PRR16: variants seen among roughly 807,000 people sequenced by gnomAD.
The protein encoded by PRR16 is protein Largen.
Under a neutral mutation model 18.2 loss-of-function variants are expected in PRR16, and 6 were observed. That is an observed-to-expected ratio of 0.33 (90% CI 0.18 to 0.65). PRR16 has a LOEUF of 0.65. Ranked by LOEUF, PRR16 falls within the 30% of genes least tolerant of loss-of-function variation. PRR16 has a pLI of 0.74. For missense variants in PRR16, 412 were observed against 376.6 expected (o/e 1.09, Z -0.78); for synonymous variants, 151 against 147.8 (o/e 1.02, Z -0.16).
At chr5:120,488,333 A>C (rs1258780187) in intron 1 of PRR16, among the ~76,000 whole-genome samples, 2 of 152,108 alleles carry the variant, frequency 1.3e-5, no homozygotes, top group African/African-American at 4.8e-5. Context: ...AGAGCTTGCT[A>C]TTGGTCTCTT....
chr5:120,622,869 T>C (rs1292038786), intron 1 of PRR16, among the ~76,000 whole-genome samples: 3 of 152,192 alleles, frequency 2.0e-5, no homozygotes, highest in Non-Finnish European at 4.4e-5. Context: ...AAAGACTATG[T>C]GTCAAAAAGG....
At chr5:120,642,975 G>T (rs1258316200) in intron 1 of PRR16, among the ~76,000 whole-genome samples, 2 of 152,044 alleles carry the variant, frequency 1.3e-5, no homozygotes, top group Non-Finnish European at 2.9e-5. Flanking sequence ...TCTGCCCATA[G>T]TTAGTCATTA....
intron 1 of PRR16, among the ~76,000 whole-genome samples, chr5:120,479,120 C>G (rs1003711171): frequency 1.3e-5 from 2 of 152,012 alleles, no homozygotes; most frequent in African/African-American, 4.8e-5. Flanking sequence ...TATTCAGATA[C>G]TAAAGTACTA....
At chr5:120,792,283 T>A in the PRR16 span, among the ~76,000 whole-genome samples, 2 of 152,196 alleles carry the variant, frequency 1.3e-5, no homozygotes, top group African/African-American at 4.8e-5. Context: ...ATAACTCCAG[T>A]AGTAGTTTAT....
intron 1 of PRR16, among the ~76,000 whole-genome samples, chr5:120,669,586 A>T (rs943501030): frequency 2.0e-5 from 3 of 152,060 alleles, no homozygotes; most frequent in Admixed American, 1.3e-4. Flanking sequence ...CATATATCTA[A>T]TCCTCCACAT....
chr5:120,531,910 T>C (rs557558317), intron 1 of PRR16, among the ~76,000 whole-genome samples: 1 of 152,178 alleles, frequency 6.6e-6, no homozygotes, highest in Non-Finnish European at 1.5e-5. Flanking sequence ...ACAAGTGTTG[T>C]TAATTAGCAT....
At chr5:120,677,246 G>A (rs1756828422) in intron 1 of PRR16, among the ~76,000 whole-genome samples, 1 of 152,082 alleles carries the variant, frequency 6.6e-6, no homozygotes, top group Non-Finnish European at 1.5e-5. Flanking sequence ...TATGAACTCA[G>A]GGCAAAGTGG....
the PRR16 span, among the ~76,000 whole-genome samples, chr5:120,754,131 T>C: frequency 4.9e-4 from 11 of 22,386 alleles, no homozygotes; most frequent in Admixed American, 5.1e-3. Context: ...CTAAAAATAT[T>C]CCGCTTAATA....
At chr5:120,677,355 T>C (rs564297550) in intron 1 of PRR16, among the ~76,000 whole-genome samples, 1 of 152,306 alleles carries the variant, frequency 6.6e-6, no homozygotes, top group African/African-American at 2.4e-5. Flanking sequence ...GAGGAGGGTA[T>C]GTCACTTGCT....
chr5:120,689,322 A>G (rs892053670), downstream of PRR16, among the ~76,000 whole-genome samples: 3 of 152,192 alleles, frequency 2.0e-5, no homozygotes, highest in Non-Finnish European at 4.4e-5. Flanking sequence ...ACAGAAAGCA[A>G]TTAACATACA....
At chr5:120,609,417 T>G (rs2034417) in intron 1 of PRR16, among the ~76,000 whole-genome samples, 1 of 151,776 alleles carries the variant, frequency 6.6e-6, no homozygotes, top group African/African-American at 2.4e-5. Flanking sequence ...AAAAAAAAAA[T>G]TTTTAAAAAA....
intron 1 of PRR16, among the ~76,000 whole-genome samples, chr5:120,632,867 A>G (rs1755104392): frequency 6.6e-6 from 1 of 152,210 alleles, no homozygotes; most frequent in South Asian, 2.1e-4. Context: ...TGCAAATACA[A>G]GAAGCTCAAA....
At chr5:120,477,994 C>T in intron 1 of PRR16, among the ~76,000 whole-genome samples, 1 of 152,256 alleles carries the variant, frequency 6.6e-6, no homozygotes, top group South Asian at 2.1e-4. Flanking sequence ...TAATAATCAT[C>T]AGTTATTTAT....
At chr5:120,489,204 C>G (rs1749929241) in intron 1 of PRR16, among the ~76,000 whole-genome samples, 1 of 152,080 alleles carries the variant, frequency 6.6e-6, no homozygotes, top group Non-Finnish European at 1.5e-5. Flanking sequence ...TCCTGGATAT[C>G]CTTGTTAACT....
intron 1 of PRR16, among the ~76,000 whole-genome samples, chr5:120,518,474 G>A (rs1751069822): frequency 6.6e-6 from 1 of 151,972 alleles, no homozygotes; most frequent in African/African-American, 2.4e-5. Context: ...GTACCCAAAT[G>A]CATCTTGACC....
At chr5:120,580,326 C>T (rs904173838) in intron 1 of PRR16, among the ~76,000 whole-genome samples, 9 of 152,086 alleles carry the variant, frequency 5.9e-5, no homozygotes, top group African/African-American at 1.4e-4. Flanking sequence ...AAAGGGAATG[C>T]TTCCACCTTT....
the PRR16 span, among the ~76,000 whole-genome samples, chr5:120,787,190 A>G: frequency 1.2e-3 from 190 of 152,298 alleles, 2 homozygotes; most frequent in African/African-American, 4.5e-3. Context: ...TTATGTCTCT[A>G]TATTTGAAGT....
At chr5:120,493,389 G>T (rs60492181) in intron 1 of PRR16, among the ~76,000 whole-genome samples, 9,924 of 152,134 alleles carry the variant, frequency 0.065, 733 homozygotes, top group African/African-American at 0.18. Flanking sequence ...ATAGACTACA[G>T]CATCGCTTTT....
downstream of PRR16, among the ~76,000 whole-genome samples, chr5:120,691,323 G>T (rs1224041855): frequency 6.6e-6 from 1 of 152,098 alleles, no homozygotes; most frequent in African/African-American, 2.4e-5. Flanking sequence ...ATGTTGTTTT[G>T]ACATTCTTAA....
Sources: allele counts gnomAD v4.1 joint callset (sites outside exome capture counted in the v4.1 genomes callset), GRCh38; gene constraint gnomAD v4.1.1; transcripts MANE v1.5; gene names NCBI Gene and HGNC (gene_info 2026-07-23, HGNC 2026-07-21).